Variants in PPP1R1C observed in about 807,000 individuals in gnomAD.
PPP1R1C encodes protein phosphatase 1 regulatory inhibitor subunit 1C, also known as protein phosphatase 1 regulatory subunit 1C.
Under a neutral mutation model 17.4 loss-of-function variants are expected in PPP1R1C, and 15 were observed. The observed-to-expected ratio is 0.86, with a 90% CI of 0.58 to 1.33. The LOEUF (loss-of-function observed/expected upper bound fraction) is 1.33, where lower values mean the gene tolerates loss of function less well. Ranked by LOEUF, PPP1R1C falls within the 40% of genes most tolerant of loss-of-function variation. PPP1R1C has a pLI of 0.00. For synonymous variants in PPP1R1C, 35 were observed against 43.1 expected (o/e 0.81, Z 0.73); for missense variants, 143 against 130.0 (o/e 1.10, Z -0.48).
At chr2:182,064,057 T>A in intron 4 of PPP1R1C, 1 of 426,034 alleles carries the variant, frequency 2.3e-6, no homozygotes, top group Non-Finnish European at 4.2e-6. Context: ...GATTTTTTTT[T>A]ACCGTTATTC....
chr2:181,962,329 G>A lies in PPP1R1C; in HGVS notation n.111+7695G>A, dbSNP rs111292041. ...CCATGCCACCCCGGAAGCTGGTGGA[G>A]CGGGACACGGATATCCGGGAACCAG... On this transcript the variant is annotated intron_variant and non_coding_transcript_variant, in intron 1 of 5. Transcript: ENST00000464264. The surrounding 1 kb of genome is among the most constrained non-coding windows in gnomAD (Gnocchi z 6.0). 45 of 927,882 alleles carry A rather than the reference G, an allele frequency of 4.8e-5. 2 individuals are homozygous for A. The highest frequency in any genetic ancestry group is 4.6e-4 in the African/African-American group (28 of 61,418). 57.5% of individuals were successfully genotyped at this position (927,882 alleles called of 1,614,324 possible). A position where few individuals can be genotyped will look rare whatever the true frequency, so the allele number is the denominator to read the frequency against.
intron 2 of PPP1R1C, among the ~76,000 whole-genome samples, chr2:182,043,556 A>T (rs942861609): frequency 6.6e-6 from 1 of 150,780 alleles, no homozygotes; most frequent in Non-Finnish European, 1.5e-5. Context: ...CCTAAACAGC[A>T]CGCCATGTGT....
intron 2 of PPP1R1C, chr2:182,023,731 T>C (rs1467257494): frequency 6.6e-6 from 1 of 152,072 alleles, no homozygotes; most frequent in Non-Finnish European, 1.5e-5. Flanking sequence ...AGCAATCTTC[T>C]CACCTCAGCT....
At chr2:181,997,716 T>C (rs959396859) in intron 2 of PPP1R1C, among the ~76,000 whole-genome samples, 1 of 152,216 alleles carries the variant, frequency 6.6e-6, no homozygotes, top group African/African-American at 2.4e-5. Flanking sequence ...CCCATTTTCA[T>C]GATTTACGGA....
intron 1 of PPP1R1C, among the ~76,000 whole-genome samples, chr2:181,970,504 C>G (rs576034548): frequency 6.6e-6 from 1 of 152,276 alleles, no homozygotes; most frequent in African/African-American, 2.4e-5. Flanking sequence ...GAGTTTTTCT[C>G]TCAGTGCCGA....
intron 2 of PPP1R1C, 149 bp from the exon 3 acceptor site, chr2:182,061,293 C>G (rs1382519197): frequency 1.8e-6 from 1 of 567,116 alleles, no homozygotes; most frequent in East Asian, 3.6e-5. Context: ...CCACCCACCT[C>G]TGTCCTCCTC....
At chr2:181,972,302 CAG>C (rs1171917396) in intron 1 of PPP1R1C, among the ~76,000 whole-genome samples, 1 of 152,094 alleles carries the variant, frequency 6.6e-6, no homozygotes, top group Admixed American at 6.5e-5. Context: ...TTCAGTAAGT[CAG>C]AGAATAAATC....
chr2:182,027,420 AG>A (rs1234701101), intron 2 of PPP1R1C, among the ~76,000 whole-genome samples: 9 of 120,450 alleles, frequency 7.5e-5, no homozygotes, highest in African/African-American at 3.1e-4. Flanking sequence ...TTTAGCATGA[AG>A]GGTTGTTGAA....
chr2:182,068,793 AT>A (rs1688063180), intron 4 of PPP1R1C, among the ~76,000 whole-genome samples: 1 of 152,212 alleles, frequency 6.6e-6, no homozygotes, highest in Non-Finnish European at 1.5e-5. Context: ...TGCAATAAAT[AT>A]TTCTTGCCAG....
At chr2:182,129,567 T>C (rs1460846256) in exon 6 of PPP1R1C, 1 of 152,130 alleles carries the variant, frequency 6.6e-6, no homozygotes, top group African/African-American at 2.4e-5. Flanking sequence ...TATTCAATTA[T>C]TTATAATTAA....
chr2:182,049,722 T>C (rs527674159), intron 2 of PPP1R1C, among the ~76,000 whole-genome samples: 1 of 152,330 alleles, frequency 6.6e-6, no homozygotes, highest in South Asian at 2.1e-4. Flanking sequence ...TTAGTTTTAA[T>C]ACAATTCAGT....
intron 2 of PPP1R1C, among the ~76,000 whole-genome samples, chr2:182,047,032 C>A (rs887846105): frequency 6.6e-6 from 1 of 152,150 alleles, no homozygotes; most frequent in African/African-American, 2.4e-5. Context: ...GCAGCTAATT[C>A]TATTCTAATT....
intron 5 of PPP1R1C, among the ~76,000 whole-genome samples, chr2:182,125,991 T>C (rs1226952731): frequency 6.6e-6 from 1 of 152,156 alleles, no homozygotes; most frequent in Non-Finnish European, 1.5e-5. Flanking sequence ...CTACTTCTTT[T>C]AATTGTGATG....
chr2:182,038,709 A>G (rs1024365575), intron 2 of PPP1R1C, among the ~76,000 whole-genome samples: 6 of 152,220 alleles, frequency 3.9e-5, no homozygotes, highest in East Asian at 3.8e-4. Context: ...AAAAAGCAAT[A>G]GGCTGTGTGT....
intron 1 of PPP1R1C, among the ~76,000 whole-genome samples, chr2:181,963,310 C>G (rs570164508): frequency 6.6e-6 from 1 of 152,070 alleles, no homozygotes; most frequent in South Asian, 2.1e-4. Context: ...TTAAACATAC[C>G]CTAATATAAT....
chr2:181,986,881 A>G (rs190682730), intron 1 of PPP1R1C, among the ~76,000 whole-genome samples: 3 of 152,330 alleles, frequency 2.0e-5, no homozygotes, highest in Admixed American at 2.0e-4. Flanking sequence ...GTGAGGAGGC[A>G]AAAGCAAAGA....
chr2:182,095,062 AG>A (rs1688891859), intron 4 of PPP1R1C, among the ~76,000 whole-genome samples: 2 of 152,130 alleles, frequency 1.3e-5, no homozygotes, highest in Admixed American at 1.3e-4. Flanking sequence ...AGGCCGAGGC[AG>A]GCGGATCATG....
chr2:182,066,314 G>A (rs1687981681), intron 4 of PPP1R1C, among the ~76,000 whole-genome samples: 1 of 151,976 alleles, frequency 6.6e-6, no homozygotes, highest in Admixed American at 6.6e-5. Context: ...TGTTACATCG[G>A]CATGTTATAT....
At chr2:182,091,255 C>T (rs2125220990) in intron 4 of PPP1R1C, among the ~76,000 whole-genome samples, 1 of 152,142 alleles carries the variant, frequency 6.6e-6, no homozygotes, top group Non-Finnish European at 1.5e-5. Flanking sequence ...CAAGGGAAGT[C>T]AAATATTCAG....
Sources: allele counts gnomAD v4.1 joint callset (sites outside exome capture counted in the v4.1 genomes callset), GRCh38; gene constraint gnomAD v4.1.1; non-coding constraint Gnocchi (gnomAD v3.1); transcripts MANE v1.5; gene names NCBI Gene and HGNC (gene_info 2026-07-23, HGNC 2026-07-21).